The following DYNC2H1 variants were observed in gnomAD, a reference collection of about 807,000 sequenced individuals.
DYNC2H1 encodes dynein cytoplasmic 2 heavy chain 1.
DYNC2H1 carries 410 observed loss-of-function variants against 570.0 expected under a neutral mutation model. The observed-to-expected ratio is 0.72, with a 90% confidence interval of 0.66 to 0.78. The LOEUF (loss-of-function observed/expected upper bound fraction) is 0.78. DYNC2H1 is among the 30% of genes least tolerant of loss of function. DYNC2H1 has a pLI of 0.00. For synonymous variants in DYNC2H1, 1,688 were observed against 1,677.6 expected (o/e 1.01, Z -0.15); for missense variants, 4,865 against 5,046.4 (o/e 0.96, Z 1.09).
At chr11:103,450,844 G>T (rs1470226940) in intron 85 of DYNC2H1, among the ~76,000 whole-genome samples, 1 of 152,074 alleles carries the variant, frequency 6.6e-6, no homozygotes, top group Non-Finnish European at 1.5e-5. Context: ...ATAGGCTATA[G>T]GCTAGACAGA....
rs1866349195 is a variant in DYNC2H1, at chr11:103,286,298, C to T, written c.10934C>T (p.Ala3645Val). The T allele has an allele frequency of 6.2e-7, 1 of 1,613,764 alleles. No individual in the cohort carries two copies. Among genetic ancestry groups the T allele is most frequent in the Admixed American group, 1.7e-5 (1 of 60,020 alleles). ...TATCAGACCCTCTGCTTTGAAGATG[C>T]AGCTCTGTGGCGTACTTATTATAAT... Reference protein sequence around the residue: ...SLYQTLCFEDAALWRTYYNNS... With the variant: ...SLYQTLCFEDVALWRTYYNNS... The change falls in exon 74 of 89, where the codon GCA becomes GTA. Residue 3645 changes from alanine (A) to valine (V), a missense_variant. Transcript: ENST00000375735.
chr11:103,282,187 T>C lies in DYNC2H1; in HGVS notation c.10770T>C (p.Asp3590=), dbSNP rs1190414291. The C allele has an allele frequency of 6.2e-7, 1 of 1,608,126 alleles. No homozygotes were observed. The highest frequency in any genetic ancestry group is 1.3e-5 in the African/African-American group (1 of 74,600). ...HPELFQENEW[D]TFTGVVVGDM... The stretch of plus-strand genomic sequence containing the variant: ...ATATTTTTATTCAATAGGAATGGGA[T>C]ACGTTTACAGGTGTGGTTGTTGGAG... The change falls in exon 72 of 89, where the codon GAT becomes GAC. Residue 3590 remains aspartate (D), a synonymous_variant. Transcript: ENST00000375735.
Position 103,249,473 on chromosome 11 carries a change from T to C in DYNC2H1, c.10043-3812T>C, listed in dbSNP as rs947873326. 5.9e-5 allele frequency among the ~76,000 whole-genome samples: 9 copies of C among 152,060 alleles called. No individual in the cohort carries two copies. The highest frequency in any genetic ancestry group is 2.2e-4 in the African/African-American group (9 of 41,450). On this transcript the variant is annotated intron_variant, in intron 65 of 88. Coordinates refer to ENST00000375735, the MANE Select transcript of DYNC2H1 (RefSeq NM_001377.3). The surrounding 1 kb of genome is among the most constrained non-coding windows in gnomAD (Gnocchi z 4.6). ...CACCCAGATCAAGACATAAGAGCTT[T>C]ATTAGCACTCCAGAAGCCCACTTAC...
rs1445220590 is a variant in DYNC2H1, at chr11:103,243,743, G to A, written c.9870G>A (p.Trp3290Ter). 27 of 1,606,410 alleles carry A rather than the reference G, an allele frequency of 1.7e-5. No individual in the cohort carries two copies. Among genetic ancestry groups the A allele is most frequent in the Non-Finnish European group, 2.3e-5 (27 of 1,176,034 alleles). The change falls in exon 64 of 89, where the codon TGG becomes TGA. Residue 3290 changes from tryptophan (W) to a stop codon, truncating the protein, a stop_gained. Coordinates refer to ENST00000375735, the MANE Select transcript of DYNC2H1 (RefSeq NM_001377.3). LOFTEE classifies it high-confidence loss of function. This position sits in a 1 kb window ranked among gnomAD's most constrained non-coding sequence, Gnocchi z 4.8. ...ATCCTTCTTCCCAAGCTACAGAGTG[G>A]TTAAAAACACATTTGAAAGACTCAC... The part of the protein sequence containing the change: ...LIDPSSQATE[W>*]LKTHLKDSRL...
At position 103,286,248 on chromosome 11, in the gene DYNC2H1, T is replaced by A. The variant is rs981701015; in HGVS notation, c.10891-7T>A. 2 of 1,612,694 alleles carry A rather than the reference T, an allele frequency of 1.2e-6. No individual in the cohort carries two copies. The highest frequency in any genetic ancestry group is 2.2e-5 in the East Asian group (1 of 44,846). On this transcript the variant is annotated splice_region_variant and splice_polypyrimidine_tract_variant and intron_variant, in intron 73 of 88. Transcript: ENST00000375735. ...GCTCACTGTATATGGCCATTTTTAT[T>A]TTTTAGATTGCTCTCCCCAGTCTTT... is the stretch of plus-strand genomic sequence containing the variant.
chr11:103,184,465 A>C (rs1364894986), intron 40 of DYNC2H1, among the ~76,000 whole-genome samples: 1 of 151,944 alleles, frequency 6.6e-6, no homozygotes, highest in Non-Finnish European at 1.5e-5. Context: ...ATTCTTTCAG[A>C]GAAAGCTCCA....
chr11:103,179,707 C>T (rs1861772321), intron 39 of DYNC2H1, among the ~76,000 whole-genome samples: 1 of 151,646 alleles, frequency 6.6e-6, no homozygotes, highest in South Asian at 2.1e-4. Context: ...TTTCATTTTA[C>T]AAATTGAACA....
intron 47 of DYNC2H1, 104 bp from the exon 48 acceptor site, chr11:103,197,829 C>A: frequency 2.3e-6 from 3 of 1,278,502 alleles, no homozygotes; most frequent in Non-Finnish European, 3.2e-6. Flanking sequence ...TGGAGATGAT[C>A]TTATTTGGAT....
chr11:103,284,931 G>A (rs1866285958), intron 73 of DYNC2H1, among the ~76,000 whole-genome samples: 1 of 152,154 alleles, frequency 6.6e-6, no homozygotes, highest in African/African-American at 2.4e-5. Context: ...TTGAGGTAGA[G>A]GGATTAATGT....
intron 83 of DYNC2H1, among the ~76,000 whole-genome samples, chr11:103,385,370 A>G (rs540188165): frequency 2.6e-5 from 4 of 151,728 alleles, no homozygotes; most frequent in Non-Finnish European, 5.9e-5. Flanking sequence ...TTTTTTCTAC[A>G]TGATGCATTC....
intron 82 of DYNC2H1, among the ~76,000 whole-genome samples, chr11:103,328,372 T>C (rs1938605813): frequency 6.6e-6 from 1 of 152,202 alleles, no homozygotes; most frequent in Non-Finnish European, 1.5e-5. Flanking sequence ...ACTGAACTAA[T>C]AGAATTTATA....
chr11:103,261,553 A>T lies in DYNC2H1; in HGVS notation c.10695+1576A>T, dbSNP rs1865285421. Among the ~76,000 whole-genome samples the T allele has an allele frequency of 1.3e-5, 2 of 152,186 alleles. No homozygotes were observed. Among genetic ancestry groups the T allele is most frequent in the South Asian group, 2.1e-4 (1 of 4,826 alleles). Reference sequence around the variant, plus strand: ...GACTCTGCTGGTGATACCCAGGCAAACAGGGTCAGGAGTGGACCTCCTGCA... The same window carrying T: ...GACTCTGCTGGTGATACCCAGGCAATCAGGGTCAGGAGTGGACCTCCTGCA... On this transcript the variant is annotated intron_variant, in intron 70 of 88. Coordinates refer to ENST00000375735, the MANE Select transcript of DYNC2H1 (RefSeq NM_001377.3). The surrounding 1 kb of genome is among the most constrained non-coding windows in gnomAD (Gnocchi z 4.8).
At chr11:103,416,463 T>G (rs1943287053) in intron 84 of DYNC2H1, among the ~76,000 whole-genome samples, 2 of 151,964 alleles carry the variant, frequency 1.3e-5, no homozygotes, top group African/African-American at 4.8e-5. Context: ...CAAAACAGAT[T>G]ATAGACCAAT....
intron 75 of DYNC2H1, among the ~76,000 whole-genome samples, chr11:103,287,988 G>A (rs1309272626): frequency 6.6e-6 from 1 of 152,172 alleles, no homozygotes; most frequent in African/African-American, 2.4e-5. Flanking sequence ...AGGGGCTTGG[G>A]AAGTGGGAAG....
chr11:103,209,731 G>A lies in DYNC2H1; in HGVS notation c.8455-145G>A, dbSNP rs949870032. On this transcript the variant is annotated intron_variant, in intron 52 of 88. Transcript: ENST00000375735. This position sits in a 1 kb window ranked among gnomAD's most constrained non-coding sequence, Gnocchi z 4.2. ...TGTCTTGGAAATCATTTCTTCTAAA[G>A]ATTTCTGTATTATTTTTGTCTCTTA... The A allele has an allele frequency of 1.9e-6, 1 of 528,020 alleles. No homozygotes were observed. The highest frequency in any genetic ancestry group is 2.9e-6 in the Non-Finnish European group (1 of 349,364). The allele number at this position is 528,020 out of a possible 1,614,324, so 32.7% of individuals were successfully genotyped here.
chr11:103,166,990 CTT>C (rs34816989), intron 31 of DYNC2H1, among the ~76,000 whole-genome samples: 2 of 56,984 alleles, frequency 3.5e-5, no homozygotes, highest in African/African-American at 1.4e-4. Flanking sequence ...GAGGCGCTGC[CTT>C]TTTTTTTTTT....
Position 103,186,702 on chromosome 11 carries a change from C to T in DYNC2H1, c.6893+201C>T, listed in dbSNP as rs1407289678. Among the ~76,000 whole-genome samples the T allele has an allele frequency of 2.0e-5, 3 of 149,384 alleles. No homozygotes were observed. The highest frequency in any genetic ancestry group is 4.4e-5 in the Non-Finnish European group (3 of 67,636). ...TCTTTTCCAGGTTGTGTGATTTCTA[C>T]TGGAAAGACAGCAATCTGAGAAGAT... On this transcript the variant is annotated intron_variant, in intron 42 of 88. Coordinates refer to ENST00000375735, the MANE Select transcript of DYNC2H1 (RefSeq NM_001377.3). This position sits in a 1 kb window ranked among gnomAD's most constrained non-coding sequence, Gnocchi z 4.5.
rs1206991863 is a variant in DYNC2H1, at chr11:103,203,528, T to G, written c.8198-135T>G. 1.7e-6 allele frequency: 1 copy of G among 590,278 alleles called. No homozygotes were observed. Among genetic ancestry groups the G allele is most frequent in the Non-Finnish European group, 2.9e-6 (1 of 346,678 alleles). 36.6% of individuals were successfully genotyped at this position (590,278 alleles called of 1,614,324 possible). On this transcript the variant is annotated intron_variant, in intron 50 of 88. Transcript: ENST00000375735. The surrounding 1 kb of genome is among the most constrained non-coding windows in gnomAD (Gnocchi z 4.7). ...CAAATGAGGGCTATAGATAAAGATT[T>G]GTGAGTCAAGTAGAGGTAATAAAGT...
rs554719789 is a variant in DYNC2H1, at chr11:103,170,582, T to C, written c.5151+292T>C. 9.2e-4 allele frequency among the ~76,000 whole-genome samples: 140 copies of C among 152,330 alleles called. 1 individual carries two copies. Among genetic ancestry groups the C allele is most frequent in the African/African-American group, 3.3e-3 (136 of 41,590 alleles). ...TACAAAAGGAAAAATCTTCTGTTCA[T>C]TTCAGATGACAGTTTTAAAAACATT... On this transcript the variant is annotated intron_variant, in intron 33 of 88. Coordinates refer to ENST00000375735, the MANE Select transcript of DYNC2H1 (RefSeq NM_001377.3). The surrounding 1 kb of genome is among the most constrained non-coding windows in gnomAD (Gnocchi z 4.8).
Sources: gnomAD v4.1 joint callset for allele counts (sites outside exome capture counted in the v4.1 genomes callset) on GRCh38, gnomAD v4.1.1 for gene constraint, Gnocchi (gnomAD v3.1) non-coding constraint, MANE v1.5 for transcripts, NCBI Gene and HGNC (gene_info 2026-07-23, HGNC 2026-07-21) for gene names.